Variants in ATRNL1 observed in about 807,000 individuals in gnomAD.
The protein encoded by ATRNL1 is attractin like 1.
ATRNL1 carries 95 observed loss-of-function variants against 182.7 expected under a neutral mutation model. The observed-to-expected ratio is 0.52, with a 90% CI of 0.44 to 0.62. ATRNL1 has a LOEUF of 0.62. ATRNL1 is among the 20% of genes least tolerant of loss of function. The pLI, the probability that ATRNL1 is intolerant of heterozygous loss-of-function variation, is 0.00. For synonymous variants in ATRNL1, 576 were observed against 568.3 expected, an observed-to-expected ratio of 1.01 and a Z score of -0.19; for missense variants, 1,471 against 1,679.5, an observed-to-expected ratio of 0.88 and a Z score of 2.17.
chr10:115,455,092 T>G (rs1847458556), intron 21 of ATRNL1, among the ~76,000 whole-genome samples: 1 of 152,166 alleles, frequency 6.6e-6, no homozygotes. Context: ...TCAGTATTTT[T>G]TATCATGAAA....
At chr10:115,894,587 C>A (rs1206860640) in intron 28 of ATRNL1, among the ~76,000 whole-genome samples, 2 of 152,128 alleles carry the variant, frequency 1.3e-5, no homozygotes, top group Non-Finnish European at 2.9e-5. Flanking sequence ...AGATATTGAC[C>A]ATTGTTGCAT....
rs1377905520 is a variant in ATRNL1, at chr10:115,948,978, T to C, written c.*4199T>C. 6.6e-6 allele frequency: 1 copy of C among 152,214 alleles called. No homozygotes were observed. Among genetic ancestry groups the C allele is most frequent in the Non-Finnish European group, 1.5e-5 (1 of 68,046 alleles). 9.4% of individuals were successfully genotyped at this position (152,214 alleles called of 1,614,324 possible). A position where few individuals can be genotyped will look rare whatever the true frequency, so the allele number is the denominator to read the frequency against. On this transcript the variant is annotated 3_prime_UTR_variant, in exon 29 of 29. Transcript: ENST00000355044. ...GACTTTATTAAATAAAAACATTGGC[T>C]CTTCCAACCCCCACTGCCAAATGCA...
At position 115,389,558 on chromosome 10, in the gene ATRNL1, A is replaced by ATG. The variant is rs1202634860; in HGVS notation, c.3176-5100_3176-5099insGT. Among the ~76,000 whole-genome samples, 70 of 75,036 alleles carry ATG rather than the reference A, an allele frequency of 9.3e-4. 6 individuals are homozygous for ATG. The South Asian group carries it at 0.033, about 36-fold the overall frequency. The allele number at this position is 75,036 out of a possible 152,430, so 49.2% of individuals were successfully genotyped here. Reference sequence around the variant, plus strand: ...TGTATGTGTATATATATATATATATATATATATATATATATATATATATAT... The same window carrying ATG: ...TGTATGTGTATATATATATATATATATGTATATATATATATATATATATATAT... On this transcript the variant is annotated intron_variant, in intron 19 of 28. Coordinates refer to ENST00000355044, the MANE Select transcript of ATRNL1 (RefSeq NM_207303.4).
chr10:115,940,836 T>A (rs1953710325), intron 28 of ATRNL1, among the ~76,000 whole-genome samples: 1 of 152,208 alleles, frequency 6.6e-6, no homozygotes, highest in South Asian at 2.1e-4. Context: ...CTGATGTTTT[T>A]AAGGTTCACC....
At chr10:115,742,272 A>C (rs1948161101) in intron 27 of ATRNL1, among the ~76,000 whole-genome samples, 2 of 152,164 alleles carry the variant, frequency 1.3e-5, no homozygotes, top group African/African-American at 4.8e-5. Context: ...AAGGGAAAAA[A>C]TGTATAGTAG....
intron 28 of ATRNL1, among the ~76,000 whole-genome samples, chr10:115,872,310 A>G (rs1179619842): frequency 6.6e-6 from 1 of 152,216 alleles, no homozygotes; most frequent in African/African-American, 2.4e-5. Context: ...TCTGTTGTTA[A>G]AAGTTCAAAA....
chr10:115,508,541 T>A (rs1415942852), intron 24 of ATRNL1, among the ~76,000 whole-genome samples: 1 of 152,038 alleles, frequency 6.6e-6, no homozygotes, highest in Non-Finnish European at 1.5e-5. Flanking sequence ...AGGAAATGAA[T>A]GCTACTTTAG....
intron 5 of ATRNL1, among the ~76,000 whole-genome samples, chr10:115,149,080 A>G (rs1284977361): frequency 8.5e-5 from 13 of 152,074 alleles, no homozygotes; most frequent in Non-Finnish European, 1.8e-4. Context: ...TGTCTGATTT[A>G]CATAGGGCCC....
chr10:115,507,468 A>C (rs1850171532), intron 24 of ATRNL1, among the ~76,000 whole-genome samples: 1 of 152,078 alleles, frequency 6.6e-6, no homozygotes, highest in African/African-American at 2.4e-5. Context: ...AAGGACAGGT[A>C]ACCTAATAAT....
At chr10:115,360,046 A>C (rs1273801441) in intron 19 of ATRNL1, among the ~76,000 whole-genome samples, 1 of 151,716 alleles carries the variant, frequency 6.6e-6, no homozygotes, top group Non-Finnish European at 1.5e-5. Context: ...GTAATTATTC[A>C]CATATGATAT....
chr10:115,938,770 T>C (rs1318932908), intron 28 of ATRNL1, among the ~76,000 whole-genome samples: 1 of 152,134 alleles, frequency 6.6e-6, no homozygotes, highest in Non-Finnish European at 1.5e-5. Context: ...AAATACTGTA[T>C]GACTTCACTT....
At chr10:115,823,468 G>A (rs895405274) in intron 27 of ATRNL1, among the ~76,000 whole-genome samples, 14 of 152,138 alleles carry the variant, frequency 9.2e-5, no homozygotes, top group African/African-American at 3.1e-4. Flanking sequence ...TATTCAATTC[G>A]GAAGAGAGGA....
chr10:115,744,776 A>T (rs1021780762), intron 27 of ATRNL1, among the ~76,000 whole-genome samples: 3 of 152,144 alleles, frequency 2.0e-5, no homozygotes, highest in Non-Finnish European at 4.4e-5. Context: ...CGACAATGTG[A>T]TTGTCACAAT....
intron 18 of ATRNL1, among the ~76,000 whole-genome samples, chr10:115,323,120 G>A (rs896928453): frequency 6.6e-6 from 1 of 151,590 alleles, no homozygotes; most frequent in East Asian, 1.9e-4. Flanking sequence ...TATTATTCAT[G>A]TGATGGTAAA....
At chr10:115,257,420 A>C (rs1851198463) in intron 10 of ATRNL1, among the ~76,000 whole-genome samples, 1 of 152,064 alleles carries the variant, frequency 6.6e-6, no homozygotes, top group African/African-American at 2.4e-5. Flanking sequence ...GTTGGTTTAA[A>C]GTCTGTTTTA....
chr10:115,677,341 T>C (rs1333004518), intron 26 of ATRNL1, among the ~76,000 whole-genome samples: 1 of 152,066 alleles, frequency 6.6e-6, no homozygotes, highest in Non-Finnish European at 1.5e-5. Context: ...AGCATGGAAC[T>C]GTCCAGAAGT....
At position 115,281,358 on chromosome 10, in the gene ATRNL1, G is replaced by T; in HGVS notation, c.2104G>T (p.Val702Phe). 1 of 1,611,260 alleles carries T rather than the reference G, an allele frequency of 6.2e-7. No homozygotes were observed. Among genetic ancestry groups the T allele is most frequent in the Non-Finnish European group, 8.5e-7 (1 of 1,178,666 alleles). The change falls in exon 14 of 29, where the codon GTC (valine) becomes TTC (phenylalanine). Residue 702 changes from valine (V) to phenylalanine (F), a missense_variant. Around this residue, in one of 3 missense-constraint regions of ATRNL1, gnomAD observed 1,031 missense variants for 1,156.0 expected, o/e 0.89. Transcript: ENST00000355044. ...ISANSNCSMS[V>F]KNYTKCHVRN... ...ACATGCTCTTTTAATTTTGTAGTCT[G>T]TCAAGAACTACACCAAATGTCATGT...
At chr10:115,710,869 G>A (rs575370917) in intron 26 of ATRNL1, among the ~76,000 whole-genome samples, 3 of 152,200 alleles carry the variant, frequency 2.0e-5, no homozygotes, top group African/African-American at 7.2e-5. Context: ...CTATAAGTGA[G>A]TTAAGCCTTC....
At chr10:115,175,362 T>C (rs1847461965) in intron 8 of ATRNL1, among the ~76,000 whole-genome samples, 3 of 152,190 alleles carry the variant, frequency 2.0e-5, no homozygotes, top group Admixed American at 2.0e-4. Flanking sequence ...GCTGATATAT[T>C]AATCTCCTGG....
Sources: gnomAD v4.1 joint callset for allele counts (sites outside exome capture counted in the v4.1 genomes callset) on GRCh38, gnomAD v4.1.1 for gene constraint, gnomAD v4.1.1 regional missense constraint, MANE v1.5 for transcripts, NCBI Gene and HGNC (gene_info 2026-07-23, HGNC 2026-07-21) for gene names.